SYNRG: variants seen among roughly 807,000 people sequenced by gnomAD.
SYNRG encodes synergin gamma.
A neutral mutation model predicts 130.9 loss-of-function variants in SYNRG; 37 were observed. That is an observed-to-expected ratio of 0.28 (90% CI 0.22 to 0.37). The LOEUF (loss-of-function observed/expected upper bound fraction) is 0.37. SYNRG is among the 10% of genes least tolerant of loss of function. The pLI is 1.00. For missense variants in SYNRG, 1,338 were observed against 1,588.9 expected, an observed-to-expected ratio of 0.84 and a Z score of 2.68; for synonymous variants, 539 against 568.1, an observed-to-expected ratio of 0.95 and a Z score of 0.73.
chr17:37,539,003 C>T lies in SYNRG; in HGVS notation c.3420+189G>A, dbSNP rs1261090158. On this transcript the variant is annotated intron_variant, in intron 17 of 21. Transcript: ENST00000612223. ...ATGAGGGGATGACTGACACATGAGC[C>T]GGTCTGCTATTGTAAGTGTGAAAGA... 7 of 969,560 alleles carry T rather than the reference C, an allele frequency of 7.2e-6. No homozygotes were observed. The Admixed American group carries it at 1.8e-4, about 26-fold the overall frequency. 60.1% of individuals were successfully genotyped at this position (969,560 alleles called of 1,614,324 possible). A position where few individuals can be genotyped will look rare whatever the true frequency, so the allele number is the denominator to read the frequency against.
chr17:37,570,120 T>G (rs1044336762), intron 10 of SYNRG, among the ~76,000 whole-genome samples: 12 of 150,442 alleles, frequency 8.0e-5, no homozygotes, highest in African/African-American at 2.4e-4. Flanking sequence ...ACTACTAGGA[T>G]AGAAGATATA....
At chr17:37,522,402 T>C (rs1002758527) in intron 19 of SYNRG, among the ~76,000 whole-genome samples, 16 of 152,112 alleles carry the variant, frequency 1.1e-4, no homozygotes, top group Middle Eastern at 3.4e-3. Context: ...TGGGCTCAAG[T>C]GGTCCTCCCA....
chr17:37,595,064 T>C (rs2062635373), intron 3 of SYNRG, among the ~76,000 whole-genome samples: 1 of 152,206 alleles, frequency 6.6e-6, no homozygotes, highest in African/African-American at 2.4e-5. Flanking sequence ...GTCACTGAGA[T>C]CTGGGGACTG....
At chr17:37,560,064 A>G (rs935944228) in intron 13 of SYNRG, among the ~76,000 whole-genome samples, 2 of 151,858 alleles carry the variant, frequency 1.3e-5, no homozygotes, top group Non-Finnish European at 2.9e-5. Flanking sequence ...TATCTGGCTT[A>G]TTTTTTATTT....
chr17:37,585,811 A>G (rs2061651216), intron 4 of SYNRG, among the ~76,000 whole-genome samples: 1 of 152,170 alleles, frequency 6.6e-6, no homozygotes, highest in African/African-American at 2.4e-5. Flanking sequence ...AAGAGTAATG[A>G]TTTGGGAATC....
intron 5 of SYNRG, 65 bp downstream of exon 5, chr17:37,585,260 A>G: frequency 7.7e-7 from 1 of 1,292,062 alleles, no homozygotes; most frequent in Non-Finnish European, 1.1e-6. Context: ...AATCCACTCA[A>G]TGAGTGGGAA....
chr17:37,547,860 T>C (rs1045723707), intron 14 of SYNRG, among the ~76,000 whole-genome samples: 4 of 152,224 alleles, frequency 2.6e-5, no homozygotes, highest in Non-Finnish European at 5.9e-5. Context: ...CAGGCACTGA[T>C]ACATGAAGTG....
At chr17:37,558,973 G>A (rs1453760536) in intron 13 of SYNRG, among the ~76,000 whole-genome samples, 1 of 152,132 alleles carries the variant, frequency 6.6e-6, no homozygotes, top group African/African-American at 2.4e-5. Flanking sequence ...ATCTTTGTAG[G>A]AATCCAATGT....
At chr17:37,529,831 A>T in intron 19 of SYNRG, 7 of 1,551,552 alleles carry the variant, frequency 4.5e-6, no homozygotes, top group Non-Finnish European at 6.1e-6. Context: ...TTGTAATCAC[A>T]GTCATCTTTT....
intron 13 of SYNRG, among the ~76,000 whole-genome samples, chr17:37,560,656 A>T (rs1031728605): frequency 1.3e-5 from 2 of 149,904 alleles, no homozygotes; most frequent in African/African-American, 4.9e-5. Context: ...GATATTTTTT[A>T]AAAACAATAG....
At chr17:37,606,104 G>A (rs2063722996) in intron 1 of SYNRG, 2 of 756,530 alleles carry the variant, frequency 2.6e-6, no homozygotes, top group Non-Finnish European at 3.2e-6. Flanking sequence ...TTAAACTCAA[G>A]GCCCTCTCTA....
chr17:37,548,798 C>T (rs191379666), intron 14 of SYNRG, among the ~76,000 whole-genome samples: 1 of 144,784 alleles, frequency 6.9e-6, no homozygotes, highest in East Asian at 2.1e-4. Context: ...CCACTCCAGC[C>T]TGGGTGACAA....
chr17:37,540,625 C>CAAT, intron 15 of SYNRG, 82 bp from the exon 16 acceptor site: 3 of 1,232,522 alleles, frequency 2.4e-6, no homozygotes, highest in Non-Finnish European at 3.3e-6. Flanking sequence ...TACCACAACC[C>CAAT]TCTTCTTTTT....
chr17:37,523,689 T>G (rs144639611), intron 19 of SYNRG, among the ~76,000 whole-genome samples: 9 of 152,262 alleles, frequency 5.9e-5, no homozygotes, highest in African/African-American at 2.2e-4. Context: ...AGTAGCCTTG[T>G]GAGCTCCAAG....
At position 37,567,422 on chromosome 17, in the gene SYNRG, T is replaced by C. The variant is rs562353274; in HGVS notation, c.1481+1369A>G. The C allele has an allele frequency of 2.0e-5, 3 of 152,336 alleles. No individual in the cohort carries two copies. In the South Asian group the frequency reaches 6.2e-4, roughly 32 times the overall value. 9.4% of individuals were successfully genotyped at this position (152,336 alleles called of 1,614,324 possible). ...CTAAAGGTAATTTCATGCAGTGAAT[T>C]TGAGGTGCCTTGACTCATTCAGATA... On this transcript the variant is annotated intron_variant, in intron 11 of 21. Coordinates refer to ENST00000612223, the MANE Select transcript of SYNRG (RefSeq NM_007247.6).
intron 14 of SYNRG, among the ~76,000 whole-genome samples, chr17:37,544,448 G>C (rs1300826052): frequency 6.6e-6 from 1 of 151,988 alleles, no homozygotes; most frequent in Non-Finnish European, 1.5e-5. Context: ...TCGATTAGTT[G>C]GGATTACAGG....
At position 37,580,510 on chromosome 17, in the gene SYNRG, T is replaced by TGTGTGTGTGTGTGA. The variant is rs1384344164; in HGVS notation, c.590-2898_590-2897insTCACACACACACAC. Among the ~76,000 whole-genome samples the TGTGTGTGTGTGTGA allele has an allele frequency of 1.8e-3, 235 of 127,706 alleles. 2 individuals are homozygous for TGTGTGTGTGTGTGA. The highest frequency in any genetic ancestry group is 8.0e-3 in the African/African-American group (220 of 27,458). 83.8% of individuals were successfully genotyped at this position (127,706 alleles called of 152,430 possible). A position where few individuals can be genotyped will look rare whatever the true frequency, so the allele number is the denominator to read the frequency against. ...GTGTGTGTGTGTGTGTGTGTGTGTGTGAGAGAGAGAGAGAGAGAGAGAGAG... is the reference window on the plus strand; with the variant it reads ...GTGTGTGTGTGTGTGTGTGTGTGTGTGTGTGTGTGTGTGAGAGAGAGAGAGAGAGAGAGAGAGAG... On this transcript the variant is annotated intron_variant, in intron 6 of 21. Transcript: ENST00000612223.
intron 4 of SYNRG, 66 bp downstream of exon 4, chr17:37,586,353 T>C (rs2061688402): frequency 1.9e-6 from 3 of 1,592,536 alleles, no homozygotes; most frequent in Non-Finnish European, 1.7e-6. Context: ...TAGAGATCAT[T>C]AGACAATTCT....
chr17:37,585,403 G>A lies in SYNRG; in HGVS notation c.399C>T (p.Leu133=), dbSNP rs537168614. 3.1e-6 allele frequency: 5 copies of A among 1,613,510 alleles called. No individual in the cohort carries two copies. In the East Asian group the frequency reaches 1.1e-4, roughly 36 times the overall value. ...QQKRFEQQQK[L]LEEERKRRQF... ...GGCGTCTTTTTCTTTCTTCTTCTAAGAGTTTTTGCTGCTGTTCAAATCGTT... is the reference window on the plus strand; with the variant it reads ...GGCGTCTTTTTCTTTCTTCTTCTAAAAGTTTTTGCTGCTGTTCAAATCGTT... The change falls in exon 5 of 22, where the codon CTC becomes CTT. Residue 133 remains leucine (L), a synonymous_variant. Transcript: ENST00000612223.
Sources: gnomAD v4.1 joint callset for allele counts (sites outside exome capture counted in the v4.1 genomes callset) on GRCh38, gnomAD v4.1.1 for gene constraint, MANE v1.5 for transcripts, NCBI Gene and HGNC (gene_info 2026-07-23, HGNC 2026-07-21) for gene names.